Variants in CTNNA2 observed in about 807,000 individuals in gnomAD.
CTNNA2 encodes catenin alpha 2, also known as catenin alpha-2.
A neutral mutation model predicts 101.0 loss-of-function variants in CTNNA2; 42 were observed. That is an observed-to-expected ratio of 0.42 (90% CI 0.32 to 0.54). The LOEUF is 0.54. Among genes scored for constraint, CTNNA2 ranks in the 20% least tolerant of loss-of-function variants. The pLI, the probability that CTNNA2 is intolerant of heterozygous loss-of-function variation, is 0.14. For missense variants in CTNNA2, 871 were observed against 1,223.1 expected, an observed-to-expected ratio of 0.71 and a Z score of 4.29; for synonymous variants, 450 against 456.4, an observed-to-expected ratio of 0.99 and a Z score of 0.18.
chr2:80,463,451 AC>A (rs1684614205), intron 9 of CTNNA2, among the ~76,000 whole-genome samples: 1 of 152,208 alleles, frequency 6.6e-6, no homozygotes, highest in South Asian at 2.1e-4. Context: ...GTTATGGAGC[AC>A]AGGGAAAGAA....
At chr2:79,255,852 C>T (rs1674837975) in intron 2 of CTNNA2, among the ~76,000 whole-genome samples, 1 of 152,132 alleles carries the variant, frequency 6.6e-6, no homozygotes, top group Admixed American at 6.6e-5. Context: ...CTTTATTCCA[C>T]ATTCTACTAA....
At chr2:79,334,326 G>C (rs761518922) in intron 3 of CTNNA2, among the ~76,000 whole-genome samples, 1 of 151,912 alleles carries the variant, frequency 6.6e-6, no homozygotes, top group Non-Finnish European at 1.5e-5. Context: ...TGAACCTAAA[G>C]AGTATAACTC....
At chr2:79,664,744 C>T (rs1294895422) in intron 2 of CTNNA2, among the ~76,000 whole-genome samples, 3 of 123,370 alleles carry the variant, frequency 2.4e-5, no homozygotes, top group African/African-American at 6.7e-5. Context: ...GACGGAGTCT[C>T]GCTGTCTCCC....
intron 4 of CTNNA2, chr2:79,504,911 G>A (rs1671380214): frequency 6.6e-6 from 1 of 152,136 alleles, no homozygotes; most frequent in Non-Finnish European, 1.5e-5. Context: ...CTATGGTTGG[G>A]GAATCTGGAT....
rs1553469691 is a variant in CTNNA2 at position 79,797,672 on chromosome 2, A to AAAAAG, written c.298+53094_298+53095insGAAAA. ...CAAGACTCTGTCTTAAAAAAAAAAA[A>AAAAAG]AAAAAAATGATTGGCTTAACAGAAA... On this transcript the variant is annotated intron_variant, in intron 3 of 18. Transcript: ENST00000402739. 3.7e-3 allele frequency among the ~76,000 whole-genome samples: 559 copies of AAAAAG among 151,284 alleles called. 4 individuals are homozygous for AAAAAG. The highest frequency in any genetic ancestry group is 0.013 in the African/African-American group (536 of 41,144).
At chr2:80,159,888 T>C (rs1176306624) in intron 7 of CTNNA2, among the ~76,000 whole-genome samples, 1 of 152,254 alleles carries the variant, frequency 6.6e-6, no homozygotes, top group Non-Finnish European at 1.5e-5. Flanking sequence ...GTGTCAAGTC[T>C]AAGAACTCCT....
intron 2 of CTNNA2, among the ~76,000 whole-genome samples, chr2:79,308,191 C>T (rs1676289487): frequency 6.6e-6 from 1 of 151,976 alleles, no homozygotes; most frequent in Non-Finnish European, 1.5e-5. Flanking sequence ...ATTACAGGTG[C>T]CCATCACCAT....
intron 4 of CTNNA2, among the ~76,000 whole-genome samples, chr2:79,409,476 A>G (rs1321877455): frequency 2.6e-5 from 4 of 152,012 alleles, no homozygotes; most frequent in Admixed American, 2.0e-4. Flanking sequence ...TAATTTTTGT[A>G]TAAGGTGTAA....
chr2:80,378,793 T>G (rs951949192), intron 7 of CTNNA2: 1 of 152,216 alleles, frequency 6.6e-6, no homozygotes, highest in Non-Finnish European at 1.5e-5. Context: ...TATCTGACTA[T>G]GAGGGATGCG....
At chr2:79,476,539 C>T (rs1266081972) in intron 4 of CTNNA2, among the ~76,000 whole-genome samples, 2 of 152,112 alleles carry the variant, frequency 1.3e-5, no homozygotes, top group Non-Finnish European at 2.9e-5. Flanking sequence ...CATGCAAGAA[C>T]CATGGAAGGG....
intron 6 of CTNNA2, among the ~76,000 whole-genome samples, chr2:79,889,558 A>G (rs1684160210): frequency 6.6e-6 from 1 of 152,184 alleles, no homozygotes. Context: ...CTTACCAAAT[A>G]ACTCTTCCCT....
chr2:80,207,726 G>A (rs1707618909), intron 7 of CTNNA2, among the ~76,000 whole-genome samples: 1 of 152,128 alleles, frequency 6.6e-6, no homozygotes, highest in South Asian at 2.1e-4. Context: ...AGGGTTTAGG[G>A]ATATAGCTAT....
chr2:80,573,747 C>T (rs6719074), intron 12 of CTNNA2, among the ~76,000 whole-genome samples: 9,532 of 152,142 alleles, frequency 0.063, 987 homozygotes, highest in African/African-American at 0.21. Flanking sequence ...CACTGAATCA[C>T]GAAGTAGAAT....
intron 7 of CTNNA2, among the ~76,000 whole-genome samples, chr2:80,051,075 G>A (rs552832887): frequency 7.2e-5 from 11 of 152,056 alleles, no homozygotes; most frequent in South Asian, 2.1e-4. Flanking sequence ...TTATGAGGGC[G>A]GTATAATGTT....
intron 1 of CTNNA2, among the ~76,000 whole-genome samples, chr2:79,190,461 A>G (rs1230925949): frequency 1.3e-5 from 2 of 152,134 alleles, no homozygotes; most frequent in East Asian, 3.9e-4. Flanking sequence ...CCTCTCTTCT[A>G]TTAGTTACAT....
chr2:79,770,727 A>G (rs1381109251), intron 3 of CTNNA2, among the ~76,000 whole-genome samples: 3 of 152,240 alleles, frequency 2.0e-5, no homozygotes, highest in Admixed American at 6.5e-5. Flanking sequence ...TTTAAACTCC[A>G]TTAGTTAAAA....
At chr2:80,472,593 C>A (rs1001409601) in intron 9 of CTNNA2, among the ~76,000 whole-genome samples, 1 of 152,116 alleles carries the variant, frequency 6.6e-6, no homozygotes, top group Non-Finnish European at 1.5e-5. Flanking sequence ...CCATTAGGTA[C>A]CAGATTTTCA....
intron 7 of CTNNA2, among the ~76,000 whole-genome samples, chr2:80,152,723 A>G (rs1703782984): frequency 6.6e-6 from 1 of 152,060 alleles, no homozygotes; most frequent in Admixed American, 6.5e-5. Context: ...GATTCAGAAA[A>G]ATTTTCTCAC....
chr2:80,007,040 C>T (rs1485762274), intron 7 of CTNNA2, among the ~76,000 whole-genome samples: 3 of 152,048 alleles, frequency 2.0e-5, no homozygotes, highest in African/African-American at 7.2e-5. Flanking sequence ...TTGTAATTCT[C>T]TAAATGTGGA....
Sources: gnomAD v4.1 joint callset for allele counts (sites outside exome capture counted in the v4.1 genomes callset) on GRCh38, gnomAD v4.1.1 for gene constraint, MANE v1.5 for transcripts, NCBI Gene and HGNC (gene_info 2026-07-23, HGNC 2026-07-21) for gene names.